Variants in GPC5 observed in about 807,000 individuals in gnomAD.
GPC5 encodes the protein glypican 5.
In GPC5, 47 loss-of-function variants were observed where a neutral mutation model predicts 53.9. The ratio of observed to expected loss-of-function variants is 0.87; its 90% CI spans 0.69 to 1.11. GPC5 has a LOEUF of 1.11. GPC5 is among the 50% of genes most tolerant of loss of function. The pLI is 0.00. For synonymous variants in GPC5, 286 were observed against 263.3 expected (o/e 1.09, Z -0.84); for missense variants, 748 against 713.1 (o/e 1.05, Z -0.56).
At chr13:92,808,952 C>G (rs1204993464) in intron 7 of GPC5, among the ~76,000 whole-genome samples, 1 of 152,072 alleles carries the variant, frequency 6.6e-6, no homozygotes, top group Non-Finnish European at 1.5e-5. Flanking sequence ...AGACAAGATA[C>G]TAGGAGCTCA....
chr13:91,842,495 G>T (rs1015982462), intron 5 of GPC5, among the ~76,000 whole-genome samples: 14 of 149,664 alleles, frequency 9.4e-5, no homozygotes, highest in Admixed American at 1.3e-4. Context: ...GAGGTCAGGA[G>T]ATCGAGACCA....
At chr13:92,452,132 A>C (rs1038917675) in intron 7 of GPC5, among the ~76,000 whole-genome samples, 2 of 152,196 alleles carry the variant, frequency 1.3e-5, no homozygotes, top group African/African-American at 4.8e-5. Flanking sequence ...AACTGTTACT[A>C]TAGGACTTTA....
chr13:92,527,181 AG>A (rs1881348629), intron 7 of GPC5, among the ~76,000 whole-genome samples: 8 of 78,130 alleles, frequency 1.0e-4, no homozygotes, highest in Non-Finnish European at 2.0e-4. Context: ...AGAGAAAGAA[AG>A]AAGAAAGAAA....
intron 2 of GPC5, among the ~76,000 whole-genome samples, chr13:91,459,122 G>A (rs906174349): frequency 6.6e-6 from 1 of 151,890 alleles, no homozygotes; most frequent in Non-Finnish European, 1.5e-5. Flanking sequence ...CTGCTTGGGT[G>A]ATGGGTGCAC....
At chr13:91,984,296 C>G (rs552138272) in intron 6 of GPC5, among the ~76,000 whole-genome samples, 2 of 152,234 alleles carry the variant, frequency 1.3e-5, no homozygotes, top group South Asian at 4.2e-4. Flanking sequence ...TTTCTATAAT[C>G]GTTATTCAAT....
intron 7 of GPC5, among the ~76,000 whole-genome samples, chr13:92,463,742 A>G (rs1418137799): frequency 2.0e-5 from 3 of 152,192 alleles, no homozygotes; most frequent in Admixed American, 6.6e-5. Flanking sequence ...CTTTCCAGAT[A>G]ATACTCCACA....
At chr13:92,758,505 T>C (rs1375174858) in intron 7 of GPC5, among the ~76,000 whole-genome samples, 1 of 152,082 alleles carries the variant, frequency 6.6e-6, no homozygotes, top group East Asian at 1.9e-4. Flanking sequence ...TTTTCTGTTA[T>C]ATAGTATGTG....
At chr13:92,321,054 C>T (rs2043212434) in intron 7 of GPC5, among the ~76,000 whole-genome samples, 1 of 108,610 alleles carries the variant, frequency 9.2e-6, no homozygotes, top group Non-Finnish European at 1.7e-5. Context: ...TTAGAAACTA[C>T]CTTCCTAAAA....
At chr13:91,766,737 G>C (rs1453287913) in intron 5 of GPC5, among the ~76,000 whole-genome samples, 2 of 152,124 alleles carry the variant, frequency 1.3e-5, no homozygotes, top group Non-Finnish European at 2.9e-5. Context: ...GCACATGCCT[G>C]TAATCTCAGC....
intron 7 of GPC5, among the ~76,000 whole-genome samples, chr13:92,267,235 T>C (rs1162886883): frequency 6.6e-6 from 1 of 152,078 alleles, no homozygotes; most frequent in East Asian, 1.9e-4. Context: ...CTCCCTAGTC[T>C]TCATAGCAAG....
At chr13:91,922,886 C>G (rs1446116696) in intron 6 of GPC5, among the ~76,000 whole-genome samples, 1 of 5,282 alleles carries the variant, frequency 1.9e-4, no homozygotes, top group African/African-American at 2.6e-3. Flanking sequence ...GCAGATCTTA[C>G]TCCTAAATGC....
intron 7 of GPC5, among the ~76,000 whole-genome samples, chr13:92,314,119 T>C (rs915327317): frequency 3.3e-5 from 5 of 152,192 alleles, no homozygotes; most frequent in African/African-American, 7.2e-5. Flanking sequence ...ATATCACATG[T>C]CATATTGCAA....
chr13:92,233,717 T>A (rs1236991729), intron 7 of GPC5, among the ~76,000 whole-genome samples: 1 of 152,164 alleles, frequency 6.6e-6, no homozygotes, highest in Non-Finnish European at 1.5e-5. Context: ...TGCAGATGAG[T>A]TACATATGTA....
Position 91,740,046 on chromosome 13 carries a change from G to A in GPC5, c.1154+11381G>A, listed in dbSNP as rs894114475. ...AAATGCATGCTTCAGTGCTTCTTGT[G>A]GTATCTGGCTGAAGCTGAGCCCACA... On this transcript the variant is annotated intron_variant, in intron 4 of 7. Coordinates refer to ENST00000377067, the MANE Select transcript of GPC5 (RefSeq NM_004466.6). Among the ~76,000 whole-genome samples the A allele has an allele frequency of 2.1e-5, 3 of 146,202 alleles. 1 individual carries two copies. Among genetic ancestry groups the A allele is most frequent in the African/African-American group, 8.4e-5 (3 of 35,926 alleles).
Position 91,882,133 on chromosome 13 carries a change from G to A in GPC5, c.1281-25804G>A, listed in dbSNP as rs536955062. On this transcript the variant is annotated intron_variant, in intron 5 of 7. Transcript: ENST00000377067. ...TATTTTTAAATACTCTGAGGAGGGT[G>A]ATATGGGGGTGCTTGTTGTCCTGTT... is the stretch of plus-strand genomic sequence containing the variant. Among the ~76,000 whole-genome samples the A allele has an allele frequency of 2.9e-3, 438 of 152,006 alleles. 1 individual carries two copies. Among genetic ancestry groups the A allele is most frequent in the Non-Finnish European group, 5.1e-3 (349 of 67,990 alleles).
intron 4 of GPC5, among the ~76,000 whole-genome samples, chr13:91,731,554 A>G (rs1594493052): frequency 6.6e-6 from 1 of 151,958 alleles, no homozygotes; most frequent in East Asian, 1.9e-4. Context: ...CTGGGATAAA[A>G]GTGCAGAAGG....
intron 7 of GPC5, among the ~76,000 whole-genome samples, chr13:92,170,661 G>A (rs572933539): frequency 9.2e-5 from 14 of 152,088 alleles, no homozygotes; most frequent in Middle Eastern, 3.4e-3. Context: ...GTGACCTCAG[G>A]TGATCCGCCT....
intron 5 of GPC5, among the ~76,000 whole-genome samples, chr13:91,757,364 T>C (rs1263742031): frequency 6.6e-6 from 1 of 152,132 alleles, no homozygotes; most frequent in Non-Finnish European, 1.5e-5. Context: ...TTTTGAGCAG[T>C]CTCCAAAATG....
At chr13:91,900,240 GTACTCTAA>G (rs1298155566) in intron 5 of GPC5, among the ~76,000 whole-genome samples, 3 of 152,054 alleles carry the variant, frequency 2.0e-5, no homozygotes, top group Non-Finnish European at 4.4e-5. Context: ...AATAAAATTT[GTACTCTAA>G]ATCATTTTGT....
Sources: allele counts gnomAD v4.1 joint callset (sites outside exome capture counted in the v4.1 genomes callset), GRCh38; gene constraint gnomAD v4.1.1; transcripts MANE v1.5; gene names NCBI Gene and HGNC (gene_info 2026-07-23, HGNC 2026-07-21).